The following FLG variants were observed in gnomAD, a reference collection of about 807,000 sequenced individuals.
FLG encodes epidermal filaggrin.
In FLG, 6 loss-of-function variants were observed where a neutral mutation model predicts 3.8. The observed-to-expected ratio is 1.60, with a 90% CI of 0.87 to 3.15. The LOEUF is 3.15. FLG is among the 30% of genes most tolerant of loss of function. The pLI, the probability that FLG is intolerant of heterozygous loss-of-function variation, is 0.00. For synonymous variants in FLG, 2,551 were observed against 1,931.6 expected (o/e 1.32, Z -8.41); for missense variants, 7,595 against 5,050.9 (o/e 1.50, Z -15.27).
chr1:152,303,454 C>G lies in FLG; in HGVS notation c.11432G>C (p.Arg3811Thr). The change falls in exon 3 of 3, where the codon AGA (arginine) becomes ACA (threonine). Residue 3811 changes from arginine to threonine, a missense_variant. By Grantham distance (71) the Arg-to-Thr change is moderately conservative. Coordinates refer to ENST00000368799, the MANE Select transcript of FLG (RefSeq NM_002016.2). ...TGACTGTTCCTCATTACGTGTTTCT[C>G]TGCTTGCACTTCTGGATCCTGACTG... ...HGQSGSRSAS[R>T]ETRNEEQSGD... 6.2e-7 allele frequency: 1 copy of G among 1,614,100 alleles called. No individual in the cohort carries two copies. The highest frequency in any genetic ancestry group is 8.5e-7 in the Non-Finnish European group (1 of 1,180,024).
chr1:152,304,140 G>A lies in FLG; in HGVS notation c.10746C>T (p.His3582=), dbSNP rs75279506. Residue 3582 remains histidine (H), a synonymous_variant, in exon 3 of 3, where the codon CAC becomes CAT. Transcript: ENST00000368799. ...AGTGCCCGTGACCGGCTCTGTCTTC[G>A]TGATGGGACGTGGGGTGTCTGGAGC... ...RDGSRHPTSH[H]EDRAGHGHSA... 1.4e-5 allele frequency: 22 copies of A among 1,596,416 alleles called. No homozygotes were observed. Among genetic ancestry groups the A allele is most frequent in the African/African-American group, 7.0e-5 (5 of 71,478 alleles).
Position 152,312,472 on chromosome 1 carries a change from G to A in FLG, c.2414C>T (p.Ser805Phe), listed in dbSNP as rs72698904. 4,547 of 1,613,622 alleles carry A rather than the reference G, an allele frequency of 2.8e-3. 22 individuals are homozygous for A. Among genetic ancestry groups the A allele is most frequent in the Non-Finnish European group, 2.9e-3 (3,405 of 1,179,900 alleles). ...GCTGGGCCCTGTCCATCCATGGGAGGACTCAGACTGTTTATGAGTGCTCAC... is the reference window on the plus strand; with the variant it reads ...GCTGGGCCCTGTCCATCCATGGGAGAACTCAGACTGTTTATGAGTGCTCAC... ...YQVSTHKQSE[S>F]SHGWTGPSTG... The change falls in exon 3 of 3, where the codon TCC becomes TTC. Residue 805 changes from serine to phenylalanine, a missense_variant. Coordinates refer to ENST00000368799, the MANE Select transcript of FLG (RefSeq NM_002016.2).
Position 152,313,861 on chromosome 1 carries a change from T to A in FLG, c.1025A>T (p.Asp342Val). ...GSRHPRSHDE[D>V]RASHGHSADS... The stretch of plus-strand genomic sequence containing the variant: ...TGCAGAGTGCCCATGACTGGCTCTG[T>A]CTTCATCATGGGACCTGGGGTGTCT... The change falls in exon 3 of 3, where the codon GAC becomes GTC. Residue 342 changes from aspartate (D) to valine (V), a missense_variant. Coordinates refer to ENST00000368799, the MANE Select transcript of FLG (RefSeq NM_002016.2). 1 of 1,613,986 alleles carries A rather than the reference T, an allele frequency of 6.2e-7. No homozygotes were observed.
chr1:152,320,261 T>C (rs12078141), intron 1 of FLG, among the ~76,000 whole-genome samples: 2,783 of 151,218 alleles, frequency 0.018, 80 homozygotes, highest in African/African-American at 0.064. Context: ...ATTGTAGAGA[T>C]GTAAACCAAA....
chr1:152,312,389 C>G lies in FLG; in HGVS notation c.2497G>C (p.Ala833Pro). 1 of 1,613,346 alleles carries G rather than the reference C, an allele frequency of 6.2e-7. No individual in the cohort carries two copies. The highest frequency in any genetic ancestry group is 8.5e-7 in the Non-Finnish European group (1 of 1,179,838). The change falls in exon 3 of 3, where the codon GCA (alanine) becomes CCA (proline). Residue 833 changes from alanine to proline, a missense_variant. Coordinates refer to ENST00000368799, the MANE Select transcript of FLG (RefSeq NM_002016.2). ...ATGGTGTCCTGACCATCTTGGGATGCTGAGTGCCTGGAGTTGTCTCGTGCC... is the reference window on the plus strand; with the variant it reads ...ATGGTGTCCTGACCATCTTGGGATGGTGAGTGCCTGGAGTTGTCTCGTGCC... ...EQARDNSRHS[A>P]SQDGQDTIRG...
rs1489915145 is a variant in FLG at position 152,309,587 on chromosome 1, A to T, written c.5299T>A (p.Tyr1767Asn). The T allele has an allele frequency of 6.2e-7, 1 of 1,613,524 alleles. No homozygotes were observed. Among genetic ancestry groups the T allele is most frequent in the Non-Finnish European group, 8.5e-7 (1 of 1,179,942 alleles). Residue 1767 changes from tyrosine to asparagine, a missense_variant, in exon 3 of 3, where the codon TAC becomes AAC. Transcript: ENST00000368799. ...ERSGRSGSFL[Y>N]QVSTHEQSES... is the part of the protein sequence containing the mutation. ...GACTGTTCATGAGTGCTCACCTGGT[A>T]GAGGAAAGACCCTGAACGTCCAGAC...
Position 152,313,722 on chromosome 1 carries a change from G to A in FLG, c.1164C>T (p.His388=), listed in dbSNP as rs751702530. ...SSPGERHGSG[H]QQSADSSRHS... ...GTCTGGAGCTGTCTGCTGACTGCTGGTGGCCGGATCCATGTCTTTCTCCTG... is the reference window on the plus strand; with the variant it reads ...GTCTGGAGCTGTCTGCTGACTGCTGATGGCCGGATCCATGTCTTTCTCCTG... The change falls in exon 3 of 3, where the codon CAC becomes CAT. Residue 388 remains histidine (H), a synonymous_variant. Transcript: ENST00000368799. 3.1e-6 allele frequency: 5 copies of A among 1,613,918 alleles called. No homozygotes were observed. In the African/African-American group the frequency reaches 5.3e-5, roughly 17 times the overall value.
rs1425635562 is a variant in FLG, at chr1:152,303,354, CTG to C, written c.11530_11531del (p.Gln3844ValfsTer5). 15 of 1,614,126 alleles carry C rather than the reference CTG, an allele frequency of 9.3e-6. No individual in the cohort carries two copies. The highest frequency in any genetic ancestry group is 1.2e-5 in the Non-Finnish European group (14 of 1,180,018). ...STQADSSRHS[Q>X]SGQGESAGSR... ...ACCCCGCTGATTCACCCTGGCCGGA[CTG>C]TGAGTGTCTAGAGCTGTCAGCCTGA... is the stretch of plus-strand genomic sequence containing the variant. On this transcript the variant is annotated frameshift_variant, in exon 3 of 3. Transcript: ENST00000368799. LOFTEE classifies it low-confidence loss of function (END_TRUNC).
At position 152,309,795 on chromosome 1, in the gene FLG, A is replaced by T; in HGVS notation, c.5091T>A (p.Thr1697=). ...CTACAGATGAATCTTGTCTGCGCCC[A>T]GTGCCTGAGTCTGTGGAGCTGTCTG... ...QSADSSTDSG[T]GRRQDSSVVG... Residue 1697 remains threonine (T), a synonymous_variant, in exon 3 of 3, where the codon ACT becomes ACA. Coordinates refer to ENST00000368799, the MANE Select transcript of FLG (RefSeq NM_002016.2). 6.2e-7 allele frequency: 1 copy of T among 1,613,532 alleles called. No individual in the cohort carries two copies. Among genetic ancestry groups the T allele is most frequent in the African/African-American group, 1.3e-5 (1 of 74,806 alleles).
chr1:152,314,004 T>G lies in FLG; in HGVS notation c.882A>C (p.Gly294=), dbSNP rs776755737. 2.5e-5 allele frequency: 40 copies of G among 1,614,078 alleles called. No individual in the cohort carries two copies. Among genetic ancestry groups the G allele is most frequent in the Non-Finnish European group, 3.3e-5 (39 of 1,180,042 alleles). Residue 294 remains glycine (G), a synonymous_variant, in exon 3 of 3, where the codon GGA becomes GGC. Coordinates refer to ENST00000368799, the MANE Select transcript of FLG (RefSeq NM_002016.2). ...TGTCCCTGTCCTGGCTAACTCTGGA[T>G]CCCCTACGCTTTCTTGTCCTGGACT... is the stretch of plus-strand genomic sequence containing the variant. ...LQESRTRKRR[G]SRVSQDRDSE... is the part of the protein sequence containing the mutation.
intron 1 of FLG, among the ~76,000 whole-genome samples, chr1:152,320,128 A>G (rs1458771263): frequency 6.6e-6 from 1 of 151,200 alleles, no homozygotes. Context: ...ATAATAAAAG[A>G]GTGTATAATT....
Position 152,315,436 on chromosome 1 carries a change from G to A in FLG, c.21C>T (p.Asn7=). 22 of 1,612,034 alleles carry A rather than the reference G, an allele frequency of 1.4e-5. No homozygotes were observed. The highest frequency in any genetic ancestry group is 1.8e-5 in the Non-Finnish European group (21 of 1,179,068). MSTLLE[N]IFAIINLFKQ... ...TGAAAAGATTAATTATGGCAAAGAT[G>A]TTTTCCAGGAGAGTAGACATCTTTT... Residue 7 remains asparagine (N), a synonymous_variant, in exon 2 of 3, where the codon AAC becomes AAT. Transcript: ENST00000368799.
In FLG at chr1:152,313,738, C is replaced by G. The variant is rs1405152232; in HGVS notation, c.1148G>C (p.Arg383Thr). 1.9e-6 allele frequency: 3 copies of G among 1,613,990 alleles called. No individual in the cohort carries two copies. Among genetic ancestry groups the G allele is most frequent in the Admixed American group, 3.3e-5 (2 of 60,000 alleles). ...TGACTGCTGGTGGCCGGATCCATGT[C>G]TTTCTCCTGGACTTGATCTTGCCTG... ...HEQARSSPGE[R>T]HGSGHQQSAD... Residue 383 changes from arginine (R) to threonine (T), a missense_variant, in exon 3 of 3, where the codon AGA (arginine) becomes ACA (threonine). Arg to Thr is a moderately conservative substitution (Grantham distance 71). Transcript: ENST00000368799.
rs1318608801 is a variant in FLG at position 152,312,983 on chromosome 1, C to G, written c.1903G>C (p.Glu635Gln). 1.9e-6 allele frequency: 3 copies of G among 1,614,002 alleles called. No homozygotes were observed. The highest frequency in any genetic ancestry group is 2.2e-5 in the East Asian group (1 of 44,864). Residue 635 changes from glutamate to glutamine, a missense_variant, in exon 3 of 3, where the codon GAG (glutamate) becomes CAG (glutamine). Transcript: ENST00000368799. ...SDSQGHSEDS[E>Q]RWSGSASRNH... ...CTGGAAGCAGACCCAGACCACCTCT[C>G]AGAGTCTTCTGAGTGTCCCTGACTG...
In FLG at chr1:152,313,983, C is replaced by T; in HGVS notation, c.903G>A (p.Arg301=). The T allele has an allele frequency of 1.2e-6, 2 of 1,614,106 alleles. No individual in the cohort carries two copies. The highest frequency in any genetic ancestry group is 1.6e-4 in the Middle Eastern group (1 of 6,062). Residue 301 remains arginine (R), a synonymous_variant, in exon 3 of 3, where the codon AGG becomes AGA. Transcript: ENST00000368799. The part of the protein sequence containing the change: ...KRRGSRVSQD[R]DSEGHSEDSE... ...AGTCTTCTGAGTGTCCCTCACTGTC[C>T]CTGTCCTGGCTAACTCTGGATCCCC...
Position 152,307,537 on chromosome 1 carries a change from G to C in FLG, c.7349C>G (p.Ser2450Cys). 6.2e-7 allele frequency: 1 copy of C among 1,613,764 alleles called. No homozygotes were observed. The highest frequency in any genetic ancestry group is 8.5e-7 in the Non-Finnish European group (1 of 1,179,950). The change falls in exon 3 of 3, where the codon TCC becomes TGC. Residue 2450 changes from serine (S) to cysteine (C), a missense_variant. Transcript: ENST00000368799. ...ACCCTCTTGGGACGTTGAGTGCCTGGAGCTGTCTCGTGCCTGCTTGTGGTG... is the reference window on the plus strand; with the variant it reads ...ACCCTCTTGGGACGTTGAGTGCCTGCAGCTGTCTCGTGCCTGCTTGTGGTG... ...GSHHKQARDSSRHSTSQEGQD... is the reference protein window; with the variant it reads ...GSHHKQARDSCRHSTSQEGQD...
At position 152,304,229 on chromosome 1, in the gene FLG, C is replaced by G; in HGVS notation, c.10657G>C (p.Glu3553Gln). Residue 3553 changes from glutamate (E) to glutamine (Q), a missense_variant, in exon 3 of 3, where the codon GAG becomes CAG. Coordinates refer to ENST00000368799, the MANE Select transcript of FLG (RefSeq NM_002016.2). ...SDSQGHSEDS[E>Q]RWSGSASRNH... ...CTGGAAGCAGACCCAGACCACCTCT[C>G]AGAGTCTTCTGAGTGTCCCTGACTG... The G allele has an allele frequency of 6.2e-7, 1 of 1,613,030 alleles. No homozygotes were observed. Among genetic ancestry groups the G allele is most frequent in the Non-Finnish European group, 8.5e-7 (1 of 1,179,764 alleles).
chr1:152,303,511 G>A lies in FLG; in HGVS notation c.11375C>T (p.Thr3792Ile). ...GHSGSHHSHT[T>I]SQGRSDASHG... ...GGAGGCATCAGACCTTCCCTGGGATGTGGTGTGGCTGTGATGGGACCCTGA... is the reference window on the plus strand; with the variant it reads ...GGAGGCATCAGACCTTCCCTGGGATATGGTGTGGCTGTGATGGGACCCTGA... The change falls in exon 3 of 3, where the codon ACA (threonine) becomes ATA (isoleucine). Residue 3792 changes from threonine (T) to isoleucine (I), a missense_variant. Thr to Ile is a moderately conservative substitution (Grantham distance 89, BLOSUM62 -1). Transcript: ENST00000368799. 1.2e-6 allele frequency: 2 copies of A among 1,614,102 alleles called. No individual in the cohort carries two copies. The highest frequency in any genetic ancestry group is 8.5e-7 in the Non-Finnish European group (1 of 1,180,022).
chr1:152,307,577 C>G lies in FLG; in HGVS notation c.7309G>C (p.Gly2437Arg), dbSNP rs370998247. Residue 2437 changes from glycine to arginine, a missense_variant, in exon 3 of 3, where the codon GGA becomes CGA. Coordinates refer to ENST00000368799, the MANE Select transcript of FLG (RefSeq NM_002016.2). ...AHGRTGTSTG[G>R]RQGSHHKQAR... Reference sequence around the variant, plus strand: ...TGCTTGTGGTGGGATCCTTGTCTTCCTCCAGTGCTGGTCCCGGTCCGTCCA... The same window carrying G: ...TGCTTGTGGTGGGATCCTTGTCTTCGTCCAGTGCTGGTCCCGGTCCGTCCA... 14 of 1,613,710 alleles carry G rather than the reference C, an allele frequency of 8.7e-6. No homozygotes were observed. Among genetic ancestry groups the G allele is most frequent in the African/African-American group, 6.7e-5 (5 of 74,820 alleles).
Sources: gnomAD v4.1 joint callset for allele counts (sites outside exome capture counted in the v4.1 genomes callset) on GRCh38, gnomAD v4.1.1 for gene constraint, MANE v1.5 for transcripts, NCBI Gene and HGNC (gene_info 2026-07-23, HGNC 2026-07-21) for gene names.